Variants in ASIC2 observed in about 807,000 individuals in gnomAD.
ASIC2 encodes acid-sensing ion channel 2.
In ASIC2, 25 loss-of-function variants were observed where a neutral mutation model predicts 57.3. That is an observed-to-expected ratio of 0.44 (90% CI 0.32 to 0.61). ASIC2 has a LOEUF of 0.61. Among genes scored for constraint, ASIC2 ranks in the 20% least tolerant of loss-of-function variants. The pLI is 0.06. For missense variants in ASIC2, 641 were observed against 738.1 expected (o/e 0.87, Z 1.52); for synonymous variants, 319 against 307.5 (o/e 1.04, Z -0.39).
At chr17:34,076,740 C>G (rs1344322712) in intron 1 of ASIC2, among the ~76,000 whole-genome samples, 1 of 152,094 alleles carries the variant, frequency 6.6e-6, no homozygotes. Context: ...GCACCAAAAC[C>G]CAGCTGGTCT....
At chr17:34,037,725 G>A in intron 1 of ASIC2, 5 of 1,614,128 alleles carry the variant, frequency 3.1e-6, no homozygotes, top group Non-Finnish European at 3.4e-6. Flanking sequence ...AACAAGTAGG[G>A]ATCACAGGCC....
At chr17:33,174,732 C>A (rs1186275229) in intron 1 of ASIC2, among the ~76,000 whole-genome samples, 2 of 152,286 alleles carry the variant, frequency 1.3e-5, no homozygotes, top group East Asian at 3.9e-4. Context: ...ACTTTCAGAG[C>A]CCGTGTCCTG....
intron 1 of ASIC2, chr17:34,072,091 C>CT (rs2142069051): frequency 6.6e-6 from 1 of 152,436 alleles, no homozygotes; most frequent in African/African-American, 2.4e-5. Flanking sequence ...GTGCTTTGTG[C>CT]TGAAAGGAAG....
chr17:33,736,668 G>T (rs541839258), intron 1 of ASIC2, among the ~76,000 whole-genome samples: 25 of 151,976 alleles, frequency 1.6e-4, no homozygotes, highest in Non-Finnish European at 3.1e-4. Context: ...ATTATATAAA[G>T]AAACATTTAA....
At chr17:33,791,039 T>C (rs992919506) in intron 1 of ASIC2, among the ~76,000 whole-genome samples, 1 of 152,182 alleles carries the variant, frequency 6.6e-6, no homozygotes, top group South Asian at 2.1e-4. Flanking sequence ...TGCCCTGGAC[T>C]AGCCCAGGGT....
chr17:33,360,622 C>T (rs903233490), intron 1 of ASIC2, among the ~76,000 whole-genome samples: 18 of 152,162 alleles, frequency 1.2e-4, no homozygotes, highest in African/African-American at 3.6e-4. Flanking sequence ...GCTCTTGGGG[C>T]TTTTACTTTT....
At position 33,836,743 on chromosome 17, in the gene ASIC2, C is replaced by T. The variant is rs1034621676; in HGVS notation, c.555+319235G>A. Among the ~76,000 whole-genome samples, 5 of 152,068 alleles carry T rather than the reference C, an allele frequency of 3.3e-5. No homozygotes were observed. The South Asian group carries it at 6.2e-4, about 19-fold the overall frequency. On this transcript the variant is annotated intron_variant, in intron 1 of 9. Coordinates refer to the ASIC2 transcript ENST00000359872. ...TGGCATGCGCCTGTAATCCCAGCTACTCAGGAGGCTGAGGCAGGAGAGTCG... is the reference window on the plus strand; with the variant it reads ...TGGCATGCGCCTGTAATCCCAGCTATTCAGGAGGCTGAGGCAGGAGAGTCG...
intron 1 of ASIC2, among the ~76,000 whole-genome samples, chr17:33,216,469 T>C (rs753909569): frequency 6.6e-6 from 1 of 152,064 alleles, no homozygotes; most frequent in Non-Finnish European, 1.5e-5. Flanking sequence ...CAGCACAGAG[T>C]GTGCTGAAGC....
intron 3 of ASIC2, among the ~76,000 whole-genome samples, chr17:33,087,445 T>C (rs1005313450): frequency 2.3e-4 from 35 of 152,130 alleles, no homozygotes; most frequent in African/African-American, 8.2e-4. Context: ...TGTGCTTCAG[T>C]GAAGGTTGAC....
At chr17:33,748,714 C>T (rs1422605626) in intron 1 of ASIC2, among the ~76,000 whole-genome samples, 1 of 152,224 alleles carries the variant, frequency 6.6e-6, no homozygotes, top group African/African-American at 2.4e-5. Flanking sequence ...GATCTCTGAG[C>T]TGCCTTACGG....
chr17:33,690,057 A>G (rs1022200182), intron 1 of ASIC2, among the ~76,000 whole-genome samples: 14 of 152,244 alleles, frequency 9.2e-5, no homozygotes, highest in African/African-American at 2.9e-4. Flanking sequence ...AGCTCTAGGA[A>G]ACTAACTCTC....
chr17:33,076,530 C>T (rs1482195134), intron 3 of ASIC2, among the ~76,000 whole-genome samples: 1 of 152,240 alleles, frequency 6.6e-6, no homozygotes, highest in Non-Finnish European at 1.5e-5. Flanking sequence ...TCTTCCTGCA[C>T]ACTCAATTGT....
chr17:33,240,081 C>T (rs899806210), intron 1 of ASIC2, among the ~76,000 whole-genome samples: 9 of 152,210 alleles, frequency 5.9e-5, no homozygotes, highest in African/African-American at 2.2e-4. Context: ...GATGAGTCTT[C>T]AACCCAGGAG....
intron 1 of ASIC2, among the ~76,000 whole-genome samples, chr17:33,644,729 A>G (rs1906687535): frequency 6.6e-6 from 1 of 152,236 alleles, no homozygotes; most frequent in Admixed American, 6.5e-5. Flanking sequence ...GTAAATGTCT[A>G]GAGATGCATA....
chr17:33,108,327 C>T (rs1048206338), intron 2 of ASIC2, among the ~76,000 whole-genome samples: 1 of 152,308 alleles, frequency 6.6e-6, no homozygotes, highest in Non-Finnish European at 1.5e-5. Context: ...ACCCAAATAT[C>T]TCCTGGACTC....
chr17:33,579,864 C>T (rs1904366767), intron 1 of ASIC2, among the ~76,000 whole-genome samples: 1 of 152,166 alleles, frequency 6.6e-6, no homozygotes, highest in Non-Finnish European at 1.5e-5. Flanking sequence ...TTTGGCCCCA[C>T]CCACATCCTG....
chr17:33,389,479 A>G (rs1330632410), intron 1 of ASIC2, among the ~76,000 whole-genome samples: 3 of 152,250 alleles, frequency 2.0e-5, no homozygotes, highest in Non-Finnish European at 4.4e-5. Context: ...TTCTAGGCTC[A>G]AAGGGAAATC....
At chr17:33,192,764 TACCC>T (rs1906478475) in intron 1 of ASIC2, among the ~76,000 whole-genome samples, 1 of 152,244 alleles carries the variant, frequency 6.6e-6, no homozygotes, top group Non-Finnish European at 1.5e-5. Flanking sequence ...TTCTCATAAG[TACCC>T]AGATATTAGT....
chr17:33,565,572 C>T (rs1344598415), intron 1 of ASIC2, among the ~76,000 whole-genome samples: 4 of 152,130 alleles, frequency 2.6e-5, no homozygotes, highest in African/African-American at 4.8e-5. Context: ...TCTTCCTTAC[C>T]AAGAGAACCC....
Sources: gnomAD v4.1 joint callset for allele counts (sites outside exome capture counted in the v4.1 genomes callset) on GRCh38, gnomAD v4.1.1 for gene constraint, MANE v1.5 for transcripts, NCBI Gene and HGNC (gene_info 2026-07-23, HGNC 2026-07-21) for gene names.